TRIM37: variants seen among roughly 807,000 people sequenced by gnomAD.
TRIM37 encodes tripartite motif containing 37, also known as E3 ubiquitin-protein ligase TRIM37.
In TRIM37, 80 loss-of-function variants were observed where a neutral mutation model predicts 129.8. The observed-to-expected ratio is 0.62, with a 90% CI of 0.51 to 0.74. The LOEUF (loss-of-function observed/expected upper bound fraction) is 0.74. TRIM37 is among the 30% of genes least tolerant of loss of function. The probability of loss-of-function intolerance (pLI) is 0.00; values close to 1 mark genes in which losing one functional copy is unlikely to be tolerated. For synonymous variants in TRIM37, 389 were observed against 387.1 expected (o/e 1.00, Z -0.06); for missense variants, 1,054 against 1,176.5 (o/e 0.90, Z 1.52).
chr17:58,984,163 G>C (rs368821823), intron 24 of TRIM37: 1 of 152,540 alleles, frequency 6.6e-6, no homozygotes, highest in African/African-American at 2.4e-5. Context: ...CATTTAGGAG[G>C]CTCCTTGAAA....
chr17:59,025,224 T>A (rs1218444040), intron 19 of TRIM37, among the ~76,000 whole-genome samples: 1 of 152,016 alleles, frequency 6.6e-6, no homozygotes, highest in African/African-American at 2.4e-5. Flanking sequence ...TCACACAGCA[T>A]CATATAAAAT....
chr17:59,019,875 C>A (rs992800850), intron 19 of TRIM37, among the ~76,000 whole-genome samples: 1 of 151,910 alleles, frequency 6.6e-6, no homozygotes, highest in African/African-American at 2.4e-5. Context: ...TCTAGACTTA[C>A]GAAAAATGAT....
chr17:59,031,538 C>T (rs887877782), intron 18 of TRIM37, among the ~76,000 whole-genome samples: 4 of 152,182 alleles, frequency 2.6e-5, no homozygotes, highest in East Asian at 1.9e-4. Flanking sequence ...CCTTTTTCTA[C>T]GTTCAATTTA....
chr17:59,089,243 G>A (rs1229078490), intron 3 of TRIM37, among the ~76,000 whole-genome samples: 1 of 151,910 alleles, frequency 6.6e-6, no homozygotes. Context: ...AACAGAGTGA[G>A]AGCCTGTCTC....
chr17:59,088,014 T>C, intron 4 of TRIM37: 3 of 580,368 alleles, frequency 5.2e-6, no homozygotes, highest in Non-Finnish European at 9.2e-6. Context: ...ATGTCTCATT[T>C]ACCTTTGTAT....
intron 13 of TRIM37, among the ~76,000 whole-genome samples, chr17:59,054,514 C>A (rs1027736439): frequency 5.9e-5 from 9 of 152,100 alleles, no homozygotes; most frequent in Non-Finnish European, 1.2e-4. Context: ...GTTGCCCAGG[C>A]TGATCTTGAA....
At chr17:58,992,336 T>G (rs999500306) in intron 24 of TRIM37, among the ~76,000 whole-genome samples, 3 of 146,410 alleles carry the variant, frequency 2.0e-5, no homozygotes, top group African/African-American at 7.5e-5. Context: ...TATATATATA[T>G]ATATATAAAT....
At chr17:58,971,173 C>T in the TRIM37 span, among the ~76,000 whole-genome samples, 4 of 152,140 alleles carry the variant, frequency 2.6e-5, no homozygotes, top group Non-Finnish European at 4.4e-5. Flanking sequence ...CTGTTCTCTC[C>T]AGGGCATATG....
At chr17:59,066,395 T>C in intron 9 of TRIM37, among the ~76,000 whole-genome samples, 1 of 152,220 alleles carries the variant, frequency 6.6e-6, no homozygotes, top group East Asian at 1.9e-4. Flanking sequence ...ATGTCCAGTG[T>C]AATTTATTTC....
intron 17 of TRIM37, among the ~76,000 whole-genome samples, chr17:59,032,531 CAAAA>C (rs35442859): frequency 1.2e-5 from 1 of 84,784 alleles, no homozygotes. Flanking sequence ...GACTCCGTCT[CAAAA>C]AAAAAAAAAA....
intron 21 of TRIM37, among the ~76,000 whole-genome samples, chr17:59,012,978 G>C (rs2035491839): frequency 6.6e-6 from 1 of 151,918 alleles, no homozygotes; most frequent in Non-Finnish European, 1.5e-5. Context: ...TTGTACTACA[G>C]TTTTGCAAAA....
chr17:58,973,667 C>T, the TRIM37 span, among the ~76,000 whole-genome samples: 1 of 150,150 alleles, frequency 6.7e-6, no homozygotes, highest in Non-Finnish European at 1.5e-5. Flanking sequence ...ACAAAAAAAA[C>T]AAAGGCCGGG....
the TRIM37 span, among the ~76,000 whole-genome samples, chr17:58,977,503 T>C: frequency 6.6e-6 from 1 of 150,622 alleles, no homozygotes; most frequent in East Asian, 2.0e-4. Flanking sequence ...ATGAGTAAGA[T>C]GAGAGGTTGT....
intron 17 of TRIM37, among the ~76,000 whole-genome samples, chr17:59,040,579 C>A (rs558162000): frequency 6.6e-6 from 1 of 151,922 alleles, no homozygotes; most frequent in African/African-American, 2.4e-5. Flanking sequence ...TATGGAAAGA[C>A]AAAGGCTAAA....
intron 13 of TRIM37, 61 bp downstream of exon 13, chr17:59,056,814 A>G: frequency 2.3e-6 from 3 of 1,326,980 alleles, no homozygotes; most frequent in Non-Finnish European, 3.2e-6. Context: ...TCTTTGAAAT[A>G]TAGTTCTGAT....
In TRIM37 at chr17:59,049,158, A is replaced by G. The variant is rs753246746; in HGVS notation, c.1530+20T>C. ...TTTTTTTAATCAAACACAAAAATCT[A>G]AAACTGGCCTCATTATTACATGATA... On this transcript the variant is annotated intron_variant, in intron 15 of 23. Transcript: ENST00000262294. 1 of 1,601,092 alleles carries G rather than the reference A, an allele frequency of 6.2e-7. No individual in the cohort carries two copies. Among genetic ancestry groups the G allele is most frequent in the Admixed American group, 1.7e-5 (1 of 59,986 alleles).
At position 59,001,577 on chromosome 17, in the gene TRIM37, AAATGACATCATG is replaced by A. The variant is rs1223108820; in HGVS notation, c.2812+9_2812+20del. 1.9e-6 allele frequency: 3 copies of A among 1,613,920 alleles called. No homozygotes were observed. The South Asian group carries it at 3.3e-5, about 18-fold the overall frequency. On this transcript the variant is annotated intron_variant, in intron 23 of 23. Coordinates refer to ENST00000262294, the MANE Select transcript of TRIM37 (RefSeq NM_015294.6). ...AGCGGTGGTTTTAGTAATCTGTGTA[AAATGACATCATG>A]TGCTGCACCTTCATCCGGGGGCTGT...
intron 2 of TRIM37, 136 bp from the exon 3 acceptor site, chr17:59,091,476 TATATA>T (rs1438134911): frequency 1.3e-5 from 2 of 153,478 alleles, no homozygotes; most frequent in African/African-American, 6.0e-5. Flanking sequence ...ATATTCATAA[TATATA>T]ATATATAATA....
intron 12 of TRIM37, chr17:59,059,230 G>T (rs2041251367): frequency 6.6e-6 from 1 of 152,210 alleles, no homozygotes; most frequent in Non-Finnish European, 1.5e-5. Flanking sequence ...AAATTGGCTG[G>T]GCGTGGTGGT....
Sources: allele counts gnomAD v4.1 joint callset (sites outside exome capture counted in the v4.1 genomes callset), GRCh38; gene constraint gnomAD v4.1.1; transcripts MANE v1.5; gene names NCBI Gene and HGNC (gene_info 2026-07-23, HGNC 2026-07-21).